Variants in YWHAG observed in about 807,000 individuals in gnomAD.
The protein encoded by YWHAG is tyrosine 3-monooxygenase/tryptophan 5-monooxygenase activation protein gamma.
Under a neutral mutation model 23.3 loss-of-function variants are expected in YWHAG, and 1 was observed. That is an observed-to-expected ratio of 0.04 (90% CI 0.02 to 0.20). YWHAG has a LOEUF of 0.20. Among genes scored for constraint, YWHAG ranks in the 10% least tolerant of loss-of-function variants. YWHAG has a pLI of 1.00. For synonymous variants in YWHAG, 160 were observed against 144.0 expected, an observed-to-expected ratio of 1.11 and a Z score of -0.80; for missense variants, 151 against 338.6, an observed-to-expected ratio of 0.45 and a Z score of 4.35.
chr7:76,348,466 G>A (rs1017076960), intron 1 of YWHAG, among the ~76,000 whole-genome samples: 1 of 146,968 alleles, frequency 6.8e-6, no homozygotes, highest in Admixed American at 6.8e-5. Context: ...CTGTTGCCCA[G>A]GCTGGAGTGC....
Position 76,327,667 on chromosome 7 carries a change from T to TCCCCC in YWHAG, c.*1909_*1910insGGGGG, listed in dbSNP as rs1583980148. The TCCCCC allele has an allele frequency of 5.5e-4, 4 of 7,310 alleles. No individual in the cohort carries two copies. The highest frequency in any genetic ancestry group is 4.7e-4 in the Non-Finnish European group (2 of 4,216). The allele number at this position is 7,310 out of a possible 1,614,324, so 0.5% of individuals were successfully genotyped here. A position where few individuals can be genotyped will look rare whatever the true frequency, so the allele number is the denominator to read the frequency against. ...AAATTAGGGAAAGCCCCACCTACCC[T>TCCCCC]GCCCCCCCCCCCCTCCCCCCCCAAA... On this transcript the variant is annotated 3_prime_UTR_variant, in exon 2 of 2. Coordinates refer to ENST00000307630, the MANE Select transcript of YWHAG (RefSeq NM_012479.4).
At chr7:76,336,750 C>T (rs1194906901) in intron 1 of YWHAG, among the ~76,000 whole-genome samples, 3 of 150,970 alleles carry the variant, frequency 2.0e-5, no homozygotes, top group Admixed American at 2.0e-4. Flanking sequence ...GCCACGGTGC[C>T]CGGTCTTTTT....
At chr7:76,333,074 G>A (rs958149876) in intron 1 of YWHAG, among the ~76,000 whole-genome samples, 1 of 152,136 alleles carries the variant, frequency 6.6e-6, no homozygotes, top group Non-Finnish European at 1.5e-5. Context: ...AGGGCTTCAA[G>A]CAATCCTACC....
At chr7:76,335,089 C>T (rs1803597364) in intron 1 of YWHAG, among the ~76,000 whole-genome samples, 1 of 152,082 alleles carries the variant, frequency 6.6e-6, no homozygotes. Context: ...GATGGAGTCC[C>T]ACTCTGTCAC....
At chr7:76,334,609 T>C (rs1803591173) in intron 1 of YWHAG, among the ~76,000 whole-genome samples, 2 of 151,902 alleles carry the variant, frequency 1.3e-5, no homozygotes. Flanking sequence ...GGGACCAGGG[T>C]CACCCTATGT....
intron 1 of YWHAG, among the ~76,000 whole-genome samples, chr7:76,340,486 C>A (rs1348909865): frequency 6.6e-6 from 1 of 152,136 alleles, no homozygotes; most frequent in Non-Finnish European, 1.5e-5. Context: ...TCCATTTAGT[C>A]CATATTTTTC....
chr7:76,330,596 C>T (rs1803528465), intron 1 of YWHAG, among the ~76,000 whole-genome samples: 1 of 152,100 alleles, frequency 6.6e-6, no homozygotes, highest in Admixed American at 6.6e-5. Context: ...CTAATCCTGC[C>T]CTGTCTACTA....
intron 1 of YWHAG, 58 bp from the exon 2 acceptor site, chr7:76,330,291 G>C: frequency 5.2e-6 from 8 of 1,528,350 alleles, no homozygotes; most frequent in Non-Finnish European, 7.1e-6. Context: ...TGGGTTAACT[G>C]TATCTTTGAG....
chr7:76,332,997 G>A (rs114217935), intron 1 of YWHAG, among the ~76,000 whole-genome samples: 4,112 of 151,516 alleles, frequency 0.027, 199 homozygotes, highest in African/African-American at 0.094. Context: ...TAGAGATGGG[G>A]TCTCACTATA....
At chr7:76,354,833 C>G (rs1261513540) in intron 1 of YWHAG, among the ~76,000 whole-genome samples, 1 of 152,202 alleles carries the variant, frequency 6.6e-6, no homozygotes, top group African/African-American at 2.4e-5. Context: ...AAAGAGTTAA[C>G]GATTTGCTCA....
At chr7:76,345,216 C>T (rs1214484513) in intron 1 of YWHAG, among the ~76,000 whole-genome samples, 1 of 145,488 alleles carries the variant, frequency 6.9e-6, no homozygotes, top group Non-Finnish European at 1.5e-5. Context: ...GACGGAGTCT[C>T]GCTCTGTTGC....
intron 1 of YWHAG, among the ~76,000 whole-genome samples, chr7:76,343,344 G>T (rs1365275173): frequency 1.3e-5 from 2 of 150,452 alleles, no homozygotes; most frequent in East Asian, 2.0e-4. Context: ...GAACCCTGCT[G>T]TGAGTTCTCG....
chr7:76,348,368 T>C (rs1387884040), intron 1 of YWHAG, among the ~76,000 whole-genome samples: 1 of 150,416 alleles, frequency 6.6e-6, no homozygotes, highest in Non-Finnish European at 1.5e-5. Context: ...GTGATTCTCA[T>C]GCCTCAGCCT....
At chr7:76,349,231 A>T (rs1250651657) in intron 1 of YWHAG, among the ~76,000 whole-genome samples, 1 of 151,034 alleles carries the variant, frequency 6.6e-6, no homozygotes, top group African/African-American at 2.4e-5. Context: ...AGTCCCAGCT[A>T]CTCGGGAGGC....
intron 1 of YWHAG, among the ~76,000 whole-genome samples, chr7:76,332,517 A>AT (rs1803560069): frequency 6.6e-6 from 1 of 152,084 alleles, no homozygotes; most frequent in Non-Finnish European, 1.5e-5. Context: ...GACAAATAAG[A>AT]AAGTCTTTTT....
rs1803508136 is a variant in YWHAG, at chr7:76,329,491, C to CCT, written c.*84_*85dup. 1.0e-6 allele frequency: 1 copy of CCT among 981,196 alleles called. No homozygotes were observed. Among genetic ancestry groups the CCT allele is most frequent in the South Asian group, 1.7e-5 (1 of 60,126 alleles). The allele number at this position is 981,196 out of a possible 1,614,324, so 60.8% of individuals were successfully genotyped here. A position where few individuals can be genotyped will look rare whatever the true frequency, so the allele number is the denominator to read the frequency against. ...CCTGGGAAGGTCATCCCTCCCTTTC[C>CCT]CTCCCCCACCCGACCCCCAACTCAT... On this transcript the variant is annotated 3_prime_UTR_variant, in exon 2 of 2. Transcript: ENST00000307630. The surrounding 1 kb of genome is among the most constrained non-coding windows in gnomAD (Gnocchi z 6.1).
At chr7:76,354,327 A>G (rs775542870) in intron 1 of YWHAG, among the ~76,000 whole-genome samples, 1 of 152,046 alleles carries the variant, frequency 6.6e-6, no homozygotes, top group Non-Finnish European at 1.5e-5. Flanking sequence ...CCTGGCCAAC[A>G]TGGTGAAACC....
chr7:76,331,820 A>G (rs1803546081), intron 1 of YWHAG, among the ~76,000 whole-genome samples: 2 of 152,086 alleles, frequency 1.3e-5, no homozygotes, highest in South Asian at 2.1e-4. Context: ...CCTGGCCAAC[A>G]TAACAAGGCC....
At chr7:76,348,291 G>C in intron 1 of YWHAG, among the ~76,000 whole-genome samples, 1 of 143,300 alleles carries the variant, frequency 7.0e-6, no homozygotes, top group South Asian at 2.2e-4. Flanking sequence ...TTTGGAGATA[G>C]CGTGTCGCCC....
Sources: allele counts gnomAD v4.1 joint callset (sites outside exome capture counted in the v4.1 genomes callset), GRCh38; gene constraint gnomAD v4.1.1; non-coding constraint Gnocchi (gnomAD v3.1); transcripts MANE v1.5; gene names NCBI Gene and HGNC (gene_info 2026-07-23, HGNC 2026-07-21).